The following VIPR2 variants were observed in gnomAD, a reference collection of about 807,000 sequenced individuals.
VIPR2 encodes vasoactive intestinal polypeptide receptor 2.
In VIPR2, 48 loss-of-function variants were observed where a neutral mutation model predicts 58.0. The ratio of observed to expected loss-of-function variants is 0.83; its 90% CI spans 0.66 to 1.05. The LOEUF (loss-of-function observed/expected upper bound fraction) is 1.05, where lower values mean the gene tolerates loss of function less well. VIPR2 is among the 50% of genes least tolerant of loss of function. The pLI, the probability that VIPR2 is intolerant of heterozygous loss-of-function variation, is 0.00. For synonymous variants in VIPR2, 243 were observed against 235.2 expected, an observed-to-expected ratio of 1.03 and a Z score of -0.30; for missense variants, 534 against 558.0, an observed-to-expected ratio of 0.96 and a Z score of 0.43.
intron 4 of VIPR2, among the ~76,000 whole-genome samples, chr7:159,065,899 G>C (rs535629140): frequency 6.6e-6 from 1 of 152,350 alleles, no homozygotes; most frequent in East Asian, 1.9e-4. Flanking sequence ...GCCACACAGA[G>C]CACAGAGCTG....
chr7:159,052,043 G>T (rs1426836749), intron 5 of VIPR2, among the ~76,000 whole-genome samples: 4 of 152,154 alleles, frequency 2.6e-5, no homozygotes, highest in Non-Finnish European at 4.4e-5. Context: ...ACCAAGAACT[G>T]CATAATTTAC....
At chr7:159,085,266 GT>G (rs1857111466) in intron 4 of VIPR2, among the ~76,000 whole-genome samples, 1 of 152,098 alleles carries the variant, frequency 6.6e-6, no homozygotes, top group Non-Finnish European at 1.5e-5. Context: ...TCACTGCTCC[GT>G]TCCCACAACA....
intron 5 of VIPR2, among the ~76,000 whole-genome samples, chr7:159,049,798 C>T (rs562832139): frequency 9.9e-4 from 151 of 152,194 alleles, no homozygotes; most frequent in Non-Finnish European, 2.0e-3. Flanking sequence ...GGGGGAGTCC[C>T]GAATAGCTGT....
intron 2 of VIPR2, among the ~76,000 whole-genome samples, chr7:159,113,149 C>T (rs1796103344): frequency 6.6e-6 from 1 of 152,176 alleles, no homozygotes; most frequent in African/African-American, 2.4e-5. Context: ...GCAGGTAGCC[C>T]AGCGCCTAGG....
intron 4 of VIPR2, among the ~76,000 whole-genome samples, chr7:159,064,299 C>T (rs572180116): frequency 6.6e-6 from 1 of 152,050 alleles, no homozygotes; most frequent in Non-Finnish European, 1.5e-5. Context: ...CGACCCTGCA[C>T]CTGGGCCCCG....
chr7:159,110,371 CA>C (rs1269413835), intron 2 of VIPR2, among the ~76,000 whole-genome samples: 1 of 152,204 alleles, frequency 6.6e-6, no homozygotes, highest in Non-Finnish European at 1.5e-5. Context: ...TTATTAGCAA[CA>C]AAATCTTAGG....
intron 4 of VIPR2, among the ~76,000 whole-genome samples, chr7:159,061,448 A>AC (rs1341927000): frequency 2.0e-5 from 3 of 151,632 alleles, no homozygotes; most frequent in African/African-American, 7.3e-5. Flanking sequence ...GGAATTTGAG[A>AC]CCAGCCTGGG....
Position 159,096,916 on chromosome 7 carries a change from C to A in VIPR2, c.357+6841G>T. 6.4e-7 allele frequency: 1 copy of A among 1,550,788 alleles called. No individual in the cohort carries two copies. Among genetic ancestry groups the A allele is most frequent in the Non-Finnish European group, 8.7e-7 (1 of 1,147,114 alleles). On this transcript the variant is annotated intron_variant, in intron 4 of 12. Transcript: ENST00000262178. This position sits in a 1 kb window ranked among gnomAD's most constrained non-coding sequence, Gnocchi z 5.5. ...CCTTGCTGTCCCCGTTCCCATCACT[C>A]GATGAGCCAATGCCCTCGTGGCTGG...
In VIPR2 at chr7:159,058,591, A is replaced by C. The variant is rs775828904; in HGVS notation, c.358-13T>G. The C allele has an allele frequency of 5.7e-6, 9 of 1,576,608 alleles. No homozygotes were observed. The highest frequency in any genetic ancestry group is 1.7e-6 in the Non-Finnish European group (2 of 1,146,394). On this transcript the variant is annotated splice_polypyrimidine_tract_variant and intron_variant, in intron 4 of 12. Transcript: ENST00000262178. ...TATAAAACGTGATCTACAAAGAAAG[A>C]AAACAGATCTGTAAGCTGAGGGTGA...
chr7:159,036,061 C>T (rs1853930960), intron 7 of VIPR2, 49 bp from the exon 8 acceptor site: 1 of 1,581,880 alleles, frequency 6.3e-7, no homozygotes, highest in Non-Finnish European at 8.6e-7. Flanking sequence ...GGTGTGCACG[C>T]ACACAGGTGG....
At chr7:159,047,256 CAAA>C (rs1235715463) in intron 5 of VIPR2, among the ~76,000 whole-genome samples, 1 of 151,922 alleles carries the variant, frequency 6.6e-6, no homozygotes, top group Non-Finnish European at 1.5e-5. Flanking sequence ...AACAAACAAA[CAAA>C]AAAACTATAA....
chr7:159,047,684 ATGT>A (rs1463467611), intron 5 of VIPR2, among the ~76,000 whole-genome samples: 3 of 152,362 alleles, frequency 2.0e-5, no homozygotes, highest in South Asian at 2.1e-4. Context: ...ACCATCAAGA[ATGT>A]TGTTGTTAAA....
chr7:159,090,486 G>A (rs1163106967), intron 4 of VIPR2, among the ~76,000 whole-genome samples: 3 of 65,086 alleles, frequency 4.6e-5, no homozygotes, highest in African/African-American at 2.1e-4. Context: ...CTGGGATCAC[G>A]CACAGGGGCC....
At chr7:159,049,721 C>T (rs1374227849) in intron 5 of VIPR2, among the ~76,000 whole-genome samples, 3 of 152,196 alleles carry the variant, frequency 2.0e-5, no homozygotes, top group Admixed American at 6.5e-5. Flanking sequence ...GAAATGCCTG[C>T]AGCTTCATGG....
At chr7:159,064,218 AG>A (rs1855946624) in intron 4 of VIPR2, among the ~76,000 whole-genome samples, 1 of 151,910 alleles carries the variant, frequency 6.6e-6, no homozygotes, top group Non-Finnish European at 1.5e-5. Context: ...CCGGGCCAGG[AG>A]GGCTCCTTCT....
At chr7:159,043,593 G>C (rs1032887474) in intron 5 of VIPR2, among the ~76,000 whole-genome samples, 3 of 152,162 alleles carry the variant, frequency 2.0e-5, no homozygotes, top group African/African-American at 2.4e-5. Context: ...CTTAGCCGGG[G>C]GAAGGCCCTG....
In VIPR2 at chr7:159,040,423, G is replaced by A. The variant is rs368884517; in HGVS notation, c.597+2612C>T. ...GACTCAGCTTAGTAAGCTTGGGGGT[G>A]TGCTTCTGGGAGTCCCACAGACCCC... On this transcript the variant is annotated intron_variant, in intron 6 of 12. Transcript: ENST00000262178. 6.6e-5 allele frequency among the ~76,000 whole-genome samples: 10 copies of A among 152,374 alleles called. No homozygotes were observed. In the East Asian group the frequency reaches 1.9e-3, roughly 29 times the overall value.
chr7:159,127,352 C>T lies in VIPR2; in HGVS notation c.151+15094G>A, dbSNP rs528226765. 8.5e-5 allele frequency among the ~76,000 whole-genome samples: 13 copies of T among 152,204 alleles called. No individual in the cohort carries two copies. The highest frequency in any genetic ancestry group is 1.6e-4 in the Non-Finnish European group (11 of 68,036). ...AGGTGGATTCCACAGGCGGGGGCCA[C>T]ATTCTGGTACCTGAACAAACATTAA... On this transcript the variant is annotated intron_variant, in intron 2 of 12. Transcript: ENST00000262178. This position sits in a 1 kb window ranked among gnomAD's most constrained non-coding sequence, Gnocchi z 4.6.
Position 159,038,213 on chromosome 7 carries a change from C to T in VIPR2, c.598-1311G>A, listed in dbSNP as rs370391545. ...CCTGAGCCCTGCAGGCTGCCCCGAC[C>T]TCCCCTGAGCCCTGCAGGCGGCCCC... On this transcript the variant is annotated intron_variant, in intron 6 of 12. Coordinates refer to ENST00000262178, the MANE Select transcript of VIPR2 (RefSeq NM_003382.5). Among the ~76,000 whole-genome samples, 14 of 152,184 alleles carry T rather than the reference C, an allele frequency of 9.2e-5. No homozygotes were observed. The South Asian group carries it at 1.5e-3, about 16-fold the overall frequency.
Sources: gnomAD v4.1 joint callset for allele counts (sites outside exome capture counted in the v4.1 genomes callset) on GRCh38, gnomAD v4.1.1 for gene constraint, Gnocchi (gnomAD v3.1) non-coding constraint, MANE v1.5 for transcripts, NCBI Gene and HGNC (gene_info 2026-07-23, HGNC 2026-07-21) for gene names.